Variants in AXDND1 observed in about 807,000 individuals in gnomAD.
AXDND1 encodes axonemal dynein light chain domain-containing protein 1.
A neutral mutation model predicts 137.5 loss-of-function variants in AXDND1; 110 were observed. That is an observed-to-expected ratio of 0.80 (90% confidence interval 0.69 to 0.94). The LOEUF (loss-of-function observed/expected upper bound fraction) is 0.94. AXDND1 is among the 40% of genes least tolerant of loss of function. The pLI is 0.00. For missense variants in AXDND1, 1,191 were observed against 1,169.8 expected, an observed-to-expected ratio of 1.02 and a Z score of -0.26; for synonymous variants, 414 against 399.7, an observed-to-expected ratio of 1.04 and a Z score of -0.43.
At chr1:179,502,501 T>C (rs866105766) in intron 20 of AXDND1, among the ~76,000 whole-genome samples, 4 of 149,118 alleles carry the variant, frequency 2.7e-5, no homozygotes, top group Admixed American at 6.8e-5. Flanking sequence ...GAGGCAAAGT[T>C]TGTGGTGAGC....
At chr1:179,538,614 A>G (rs992925547) in intron 25 of AXDND1, among the ~76,000 whole-genome samples, 1 of 152,150 alleles carries the variant, frequency 6.6e-6, no homozygotes, top group African/African-American at 2.4e-5. Context: ...ACTTCCAATT[A>G]TGTGGTCAAT....
At chr1:179,484,370 G>GT (rs1445589069) in intron 18 of AXDND1, among the ~76,000 whole-genome samples, 6 of 152,162 alleles carry the variant, frequency 3.9e-5, no homozygotes, top group Admixed American at 2.6e-4. Context: ...TTAATCTTAG[G>GT]GGAACTATCA....
Position 179,368,899 on chromosome 1 carries a change from C to T in AXDND1, c.197C>T (p.Ser66Phe). The change falls in exon 3 of 26, where the codon TCT (serine) becomes TTT (phenylalanine). Residue 66 changes from serine to phenylalanine, a missense_variant. Transcript: ENST00000367618. ...NEFIPKEVLL[S>F]LTYAANAGPC... Reference sequence around the variant, plus strand: ...TTCATTCCCAAAGAAGTTCTTCTTTCTCTGACCTATGCGGCCAATGCTGGT... The same window carrying T: ...TTCATTCCCAAAGAAGTTCTTCTTTTTCTGACCTATGCGGCCAATGCTGGT... 3 of 1,613,822 alleles carry T rather than the reference C, an allele frequency of 1.9e-6. No individual in the cohort carries two copies. The highest frequency in any genetic ancestry group is 2.5e-6 in the Non-Finnish European group (3 of 1,179,740).
At chr1:179,422,238 A>C (rs1050870259) in intron 12 of AXDND1, among the ~76,000 whole-genome samples, 2 of 74,948 alleles carry the variant, frequency 2.7e-5, no homozygotes, top group Non-Finnish European at 3.2e-5. Context: ...ATTTTGATAT[A>C]GATATATCAA....
At chr1:179,494,541 CT>C (rs34915274) in intron 20 of AXDND1, among the ~76,000 whole-genome samples, 91,764 of 141,476 alleles carry the variant, frequency 0.65, 30,288 homozygotes, top group South Asian at 0.8. Context: ...TGTGATTTGT[CT>C]TTTTTTTTTT....
At chr1:179,441,867 C>G (rs531779173) in intron 15 of AXDND1, among the ~76,000 whole-genome samples, 1 of 152,332 alleles carries the variant, frequency 6.6e-6, no homozygotes, top group South Asian at 2.1e-4. Context: ...AATTTAAATT[C>G]CATATCAGAT....
At chr1:179,419,341 C>A (rs1202244636) in intron 12 of AXDND1, among the ~76,000 whole-genome samples, 1 of 151,904 alleles carries the variant, frequency 6.6e-6, no homozygotes, top group East Asian at 1.9e-4. Context: ...ACTGAGTGAA[C>A]GAGACTCTGT....
chr1:179,423,034 G>T (rs1268396959), intron 12 of AXDND1, among the ~76,000 whole-genome samples: 1 of 152,116 alleles, frequency 6.6e-6, no homozygotes, highest in Non-Finnish European at 1.5e-5. Context: ...AAAGTGCTGG[G>T]ATTACAGGTG....
intron 15 of AXDND1, among the ~76,000 whole-genome samples, chr1:179,444,047 T>C (rs984127421): frequency 7.5e-6 from 1 of 132,488 alleles, no homozygotes; most frequent in Non-Finnish European, 1.6e-5. Context: ...ATGTCTAGTT[T>C]AGTGAATTTT....
chr1:179,371,299 A>T (rs1345092985), intron 4 of AXDND1, among the ~76,000 whole-genome samples: 1 of 152,106 alleles, frequency 6.6e-6, no homozygotes, highest in Non-Finnish European at 1.5e-5. Flanking sequence ...GTGGTGGCGC[A>T]CACCTGTAAT....
At chr1:179,447,239 T>G (rs1243072251) in intron 16 of AXDND1, among the ~76,000 whole-genome samples, 2 of 152,214 alleles carry the variant, frequency 1.3e-5, no homozygotes, top group African/African-American at 2.4e-5. Context: ...CTTCCCAGCA[T>G]CTGCTATCAT....
chr1:179,464,075 T>G (rs1039066249), intron 16 of AXDND1, among the ~76,000 whole-genome samples: 5 of 152,344 alleles, frequency 3.3e-5, no homozygotes, highest in African/African-American at 1.2e-4. Context: ...TTATCCAATT[T>G]GCCAGTCTGT....
chr1:179,408,849 G>A (rs1199224165), intron 11 of AXDND1, among the ~76,000 whole-genome samples: 1 of 151,918 alleles, frequency 6.6e-6, no homozygotes, highest in African/African-American at 2.4e-5. Flanking sequence ...TGGTGCCTGG[G>A]TAAAATTTTT....
chr1:179,493,638 AGTATT>A (rs1667155194), intron 20 of AXDND1, among the ~76,000 whole-genome samples: 1 of 152,210 alleles, frequency 6.6e-6, no homozygotes, highest in South Asian at 2.1e-4. Context: ...AATAAGCTCT[AGTATT>A]CATTAGTACA....
rs1650836440 is a variant in AXDND1, at chr1:179,395,087, C to T, written c.1005-11C>T. ...CAAATATGAATTAAAAATTTCTTTG[C>T]TTTATTTCAGGGAACTGTGTCTAGT... On this transcript the variant is annotated splice_polypyrimidine_tract_variant and intron_variant, in intron 10 of 25. Coordinates refer to ENST00000367618, the MANE Select transcript of AXDND1 (RefSeq NM_144696.6). 6.3e-7 allele frequency: 1 copy of T among 1,582,054 alleles called. No individual in the cohort carries two copies.
chr1:179,395,130 A>G lies in AXDND1; in HGVS notation c.1037A>G (p.Lys346Arg). ...TGTCTAGTTCGGGCACATGATGTGA[A>G]ATTAACAAAGGAAACAGAAAAAGCC... is the stretch of plus-strand genomic sequence containing the variant. The part of the protein sequence containing the change: ...ELCLVRAHDV[K>R]LTKETEKAHK... Residue 346 changes from lysine (K) to arginine (R), a missense_variant, in exon 11 of 26, where the codon AAA (lysine) becomes AGA (arginine). Coordinates refer to ENST00000367618, the MANE Select transcript of AXDND1 (RefSeq NM_144696.6). 3.7e-6 allele frequency: 6 copies of G among 1,613,392 alleles called. No homozygotes were observed. The highest frequency in any genetic ancestry group is 5.1e-6 in the Non-Finnish European group (6 of 1,179,682).
Position 179,533,825 on chromosome 1 carries a change from C to G in AXDND1, c.2746C>G (p.Gln916Glu), listed in dbSNP as rs747192976. 11 of 1,612,892 alleles carry G rather than the reference C, an allele frequency of 6.8e-6. No homozygotes were observed. In the Admixed American group the frequency reaches 1.8e-4, roughly 27 times the overall value. ...RESAKQGTLA[Q>E]KYLEAMAVIE... ...GTCAGCTAAGCAAGGTACATTGGCC[C>G]AAAAATATCTTGAAGCAATGGCTGT... Residue 916 changes from glutamine (Q) to glutamate (E), a missense_variant, in exon 24 of 26, where the codon CAA (glutamine) becomes GAA (glutamate). Transcript: ENST00000367618.
chr1:179,464,826 T>C (rs1297805787), intron 16 of AXDND1, among the ~76,000 whole-genome samples: 1 of 152,218 alleles, frequency 6.6e-6, no homozygotes, highest in Admixed American at 6.5e-5. Flanking sequence ...TTTACTCTTT[T>C]TTCTCTAAAC....
chr1:179,451,734 G>C (rs1165416345), intron 16 of AXDND1: 1 of 152,566 alleles, frequency 6.6e-6, no homozygotes, highest in African/African-American at 2.4e-5. Flanking sequence ...CCCTGCACAA[G>C]CTCTCTCTTT....
Sources: gnomAD v4.1 joint callset for allele counts (sites outside exome capture counted in the v4.1 genomes callset) on GRCh38, gnomAD v4.1.1 for gene constraint, MANE v1.5 for transcripts, NCBI Gene and HGNC (gene_info 2026-07-23, HGNC 2026-07-21) for gene names.